ANK2: variants seen among roughly 807,000 people sequenced by gnomAD.
ANK2 encodes the protein ankyrin-2.
Under a neutral mutation model 360.5 loss-of-function variants are expected in ANK2, and 83 were observed. The ratio of observed to expected loss-of-function variants is 0.23; its 90% CI spans 0.19 to 0.28. The LOEUF (loss-of-function observed/expected upper bound fraction) is 0.28. Among genes scored for constraint, ANK2 ranks in the 10% least tolerant of loss-of-function variants. The pLI, the probability that ANK2 is intolerant of heterozygous loss-of-function variation, is 1.00. For missense variants in ANK2, 4,201 were observed against 4,795.7 expected (o/e 0.88, Z 3.66); for synonymous variants, 1,740 against 1,759.5 (o/e 0.99, Z 0.28).
chr4:113,283,370 A>G (rs760104841), intron 18 of ANK2, among the ~76,000 whole-genome samples: 12 of 152,210 alleles, frequency 7.9e-5, no homozygotes, highest in Non-Finnish European at 1.8e-4. Flanking sequence ...ACCTATGGAT[A>G]GGAGAGAGGA....
chr4:113,002,904 G>C (rs2051334049), intron 2 of ANK2, among the ~76,000 whole-genome samples: 1 of 152,126 alleles, frequency 6.6e-6, no homozygotes, highest in African/African-American at 2.4e-5. Context: ...AGGCCTCTGT[G>C]GCTCTGTACA....
At chr4:113,237,564 A>G (rs775874316) in intron 6 of ANK2, 35 bp from the exon 7 acceptor site, 1 of 1,591,516 alleles carries the variant, frequency 6.3e-7, no homozygotes, top group South Asian at 1.1e-5. Flanking sequence ...ATTGTGTAAT[A>G]TCTTCCCTCT....
upstream of ANK2, among the ~76,000 whole-genome samples, chr4:113,049,188 G>A (rs954778004): frequency 6.6e-6 from 1 of 152,174 alleles, no homozygotes; most frequent in African/African-American, 2.4e-5. Context: ...TTTAAACCAA[G>A]TGAATGACAT....
intron 2 of ANK2, among the ~76,000 whole-genome samples, chr4:112,963,800 C>T (rs2035948010): frequency 6.6e-6 from 1 of 151,882 alleles, no homozygotes; most frequent in Non-Finnish European, 1.5e-5. Context: ...TAATTCAAAA[C>T]ATCTAACATT....
intron 2 of ANK2, among the ~76,000 whole-genome samples, chr4:112,909,313 T>G (rs2086300751): frequency 6.6e-6 from 1 of 152,234 alleles, no homozygotes; most frequent in Non-Finnish European, 1.5e-5. Context: ...AACTGAAGCT[T>G]GGTATTTTCT....
chr4:113,091,829 G>A (rs2088353033), intron 1 of ANK2, among the ~76,000 whole-genome samples: 1 of 152,178 alleles, frequency 6.6e-6, no homozygotes, highest in Non-Finnish European at 1.5e-5. Flanking sequence ...TTAATCGCTT[G>A]GCTCCACCCT....
chr4:113,069,562 A>G (rs1005147327), intron 1 of ANK2, among the ~76,000 whole-genome samples: 1 of 152,238 alleles, frequency 6.6e-6, no homozygotes, highest in Middle Eastern at 3.2e-3. Context: ...TGGCACTGCT[A>G]TCTGATACCT....
At chr4:112,948,323 C>T (rs1422868255) in intron 2 of ANK2, among the ~76,000 whole-genome samples, 1 of 152,088 alleles carries the variant, frequency 6.6e-6, no homozygotes, top group African/African-American at 2.4e-5. Context: ...TTGAACATGT[C>T]TGCTTTCTAC....
chr4:112,892,705 G>T (rs2080432313), intron 1 of ANK2, among the ~76,000 whole-genome samples: 1 of 152,196 alleles, frequency 6.6e-6, no homozygotes, highest in Non-Finnish European at 1.5e-5. Flanking sequence ...GGTCAGAGTT[G>T]TAAAGATTCA....
At chr4:113,276,134 G>T (rs558024360) in intron 15 of ANK2, among the ~76,000 whole-genome samples, 2 of 151,878 alleles carry the variant, frequency 1.3e-5, no homozygotes, top group East Asian at 3.9e-4. Flanking sequence ...GTAGAGACGG[G>T]GTTTCACTGT....
At chr4:112,713,991 G>A in the ANK2 span, among the ~76,000 whole-genome samples, 1 of 151,782 alleles carries the variant, frequency 6.6e-6, no homozygotes, top group African/African-American at 2.4e-5. Context: ...CTGTGTTGCT[G>A]CTTTTACATT....
intron 1 of ANK2, among the ~76,000 whole-genome samples, chr4:112,832,323 C>A (rs934151098): frequency 6.6e-6 from 1 of 152,150 alleles, no homozygotes; most frequent in East Asian, 1.9e-4. Context: ...AAAGTGCTGT[C>A]ATTACAGGCA....
chr4:112,783,130 G>T, the ANK2 span, among the ~76,000 whole-genome samples: 42 of 151,948 alleles, frequency 2.8e-4, no homozygotes, highest in Non-Finnish European at 5.6e-4. Context: ...GGCTGGTCTC[G>T]AGCTCCTGAC....
At chr4:113,232,124 A>G (rs190356535) in intron 4 of ANK2, 37 bp from the exon 5 acceptor site, 1 of 1,431,286 alleles carries the variant, frequency 7.0e-7, no homozygotes, top group East Asian at 2.3e-5. Context: ...TCTTATACAA[A>G]TGATTGAAGG....
the ANK2 span, among the ~76,000 whole-genome samples, chr4:112,756,897 C>T: frequency 7.2e-5 from 11 of 151,940 alleles, no homozygotes; most frequent in Admixed American, 4.6e-4. Context: ...CGCTTGAACC[C>T]GGGAGGCAGA....
chr4:113,127,312 T>G (rs2095716413), intron 1 of ANK2, among the ~76,000 whole-genome samples: 1 of 152,142 alleles, frequency 6.6e-6, no homozygotes, highest in African/African-American at 2.4e-5. Context: ...AGCCAAATTT[T>G]AAATTGAGAG....
chr4:113,017,527 G>T (rs1157130939), intron 2 of ANK2, among the ~76,000 whole-genome samples: 2 of 152,168 alleles, frequency 1.3e-5, no homozygotes, highest in African/African-American at 4.8e-5. Flanking sequence ...TACATTTTCT[G>T]CAGACTCTAT....
chr4:113,076,161 G>A (rs1368938743), intron 1 of ANK2, among the ~76,000 whole-genome samples: 1 of 152,132 alleles, frequency 6.6e-6, no homozygotes, highest in Non-Finnish European at 1.5e-5. Context: ...AATGTCTTGG[G>A]CTACACATAA....
intron 1 of ANK2, among the ~76,000 whole-genome samples, chr4:113,053,315 T>G (rs958259596): frequency 6.6e-6 from 1 of 152,012 alleles, no homozygotes; most frequent in Non-Finnish European, 1.5e-5. Context: ...CCAAAGAAAA[T>G]AAATTGTAGG....
Sources: gnomAD v4.1 joint callset for allele counts (sites outside exome capture counted in the v4.1 genomes callset) on GRCh38, gnomAD v4.1.1 for gene constraint, MANE v1.5 for transcripts, NCBI Gene and HGNC (gene_info 2026-07-23, HGNC 2026-07-21) for gene names.